DTL: variants seen among roughly 807,000 people sequenced by gnomAD.
DTL encodes denticleless E3 ubiquitin protein ligase adapter.
DTL carries 46 observed loss-of-function variants against 87.0 expected under a neutral mutation model. That is an observed-to-expected ratio of 0.53 (90% CI 0.42 to 0.68). The LOEUF (loss-of-function observed/expected upper bound fraction) is 0.68, where lower values mean the gene tolerates loss of function less well. Among genes scored for constraint, DTL ranks in the 30% least tolerant of loss-of-function variants. The pLI is 0.00. For missense variants in DTL, 737 were observed against 869.4 expected (o/e 0.85, Z 1.91); for synonymous variants, 308 against 311.2 (o/e 0.99, Z 0.11).
At chr1:212,063,547 T>C (rs928824777) in intron 6 of DTL, among the ~76,000 whole-genome samples, 2 of 152,112 alleles carry the variant, frequency 1.3e-5, no homozygotes, top group African/African-American at 4.8e-5. Flanking sequence ...CACCCTGGCC[T>C]CCCAAAGTGC....
At chr1:212,080,017 T>C (rs906101694) in intron 12 of DTL, among the ~76,000 whole-genome samples, 13 of 152,192 alleles carry the variant, frequency 8.5e-5, no homozygotes, top group Admixed American at 5.9e-4. Context: ...TAGTCAGATA[T>C]TTTTAAAGGG....
At chr1:212,063,299 T>A (rs10863935) in intron 6 of DTL, among the ~76,000 whole-genome samples, 42,794 of 145,390 alleles carry the variant, frequency 0.29, 6,764 homozygotes, top group South Asian at 0.37. Flanking sequence ...TATTATTATT[T>A]TTTTTTTTTT....
chr1:212,094,763 T>G (rs1434971592), intron 13 of DTL, among the ~76,000 whole-genome samples: 1 of 152,206 alleles, frequency 6.6e-6, no homozygotes, highest in Non-Finnish European at 1.5e-5. Flanking sequence ...TTTGTTTGTG[T>G]CATCTGATTT....
chr1:212,092,318 T>A (rs553291826), intron 13 of DTL, among the ~76,000 whole-genome samples: 1 of 152,286 alleles, frequency 6.6e-6, no homozygotes, highest in South Asian at 2.1e-4. Flanking sequence ...GTGGATCACC[T>A]GAGGTCAGGA....
At chr1:212,057,223 CAA>C (rs1668204031) in intron 5 of DTL, among the ~76,000 whole-genome samples, 3 of 151,526 alleles carry the variant, frequency 2.0e-5, no homozygotes, top group Admixed American at 6.6e-5. Flanking sequence ...AAGTCAAAGA[CAA>C]AGTGAAAATT....
intron 13 of DTL, among the ~76,000 whole-genome samples, chr1:212,089,519 A>C (rs1279049572): frequency 6.6e-6 from 1 of 152,208 alleles, no homozygotes; most frequent in Non-Finnish European, 1.5e-5. Context: ...TGTAAAAGTG[A>C]AATGAAAAAG....
intron 13 of DTL, among the ~76,000 whole-genome samples, chr1:212,086,112 C>G (rs1416967564): frequency 6.6e-6 from 1 of 152,094 alleles, no homozygotes; most frequent in Non-Finnish European, 1.5e-5. Context: ...CTCTTTTATA[C>G]AAATTTTAGT....
At chr1:212,074,559 G>A (rs1654773812) in intron 11 of DTL, among the ~76,000 whole-genome samples, 1 of 152,050 alleles carries the variant, frequency 6.6e-6, no homozygotes, top group Non-Finnish European at 1.5e-5. Flanking sequence ...ACATAACTCG[G>A]TGTACAGGCT....
chr1:212,062,750 T>A (rs1220072807), intron 5 of DTL, 134 bp from the exon 6 acceptor site: 10 of 634,194 alleles, frequency 1.6e-5, no homozygotes, highest in Non-Finnish European at 2.5e-5. Flanking sequence ...GAGCCATATA[T>A]TTTTAAATGT....
chr1:212,062,528 G>T (rs769717238), intron 5 of DTL, among the ~76,000 whole-genome samples: 1 of 152,166 alleles, frequency 6.6e-6, no homozygotes. Flanking sequence ...TGATAGCAAG[G>T]ATTGAGATAA....
intron 13 of DTL, among the ~76,000 whole-genome samples, chr1:212,093,780 G>A (rs545110536): frequency 1.1e-3 from 169 of 152,318 alleles, no homozygotes; most frequent in African/African-American, 3.8e-3. Flanking sequence ...GCACAGGATG[G>A]GGGCGTGGCA....
In DTL at chr1:212,043,888, A is replaced by T. The variant is rs2102527198; in HGVS notation, c.178+770A>T. Among the ~76,000 whole-genome samples, 2 of 152,000 alleles carry T rather than the reference A, an allele frequency of 1.3e-5. 1 individual carries two copies. The highest frequency in any genetic ancestry group is 4.2e-4 in the South Asian group (2 of 4,802). ...TCTCCACCCATAATAGTTTGAGAGG[A>T]AAGAAAAAGTTGTGACAAGGAAATT... On this transcript the variant is annotated intron_variant, in intron 2 of 14. Transcript: ENST00000366991.
intron 13 of DTL, among the ~76,000 whole-genome samples, chr1:212,090,706 A>C (rs1004133876): frequency 1.3e-5 from 2 of 152,256 alleles, no homozygotes; most frequent in Admixed American, 1.3e-4. Flanking sequence ...GAGAGCAAGC[A>C]CTGAGATTCT....
intron 1 of DTL, among the ~76,000 whole-genome samples, chr1:212,036,357 T>C (rs1022144537): frequency 2.6e-5 from 4 of 152,196 alleles, no homozygotes; most frequent in African/African-American, 9.7e-5. Flanking sequence ...GCTATAGGTA[T>C]ATACCAGTGA....
At chr1:212,055,648 A>G (rs1485942794) in intron 5 of DTL, among the ~76,000 whole-genome samples, 5 of 152,150 alleles carry the variant, frequency 3.3e-5, no homozygotes, top group South Asian at 2.1e-4. Flanking sequence ...CTGCCTGCCT[A>G]TGGGTACTCC....
chr1:212,062,688 G>A (rs1654365995), intron 5 of DTL, among the ~76,000 whole-genome samples, 196 bp from the exon 6 acceptor site: 1 of 152,028 alleles, frequency 6.6e-6, no homozygotes, highest in African/African-American at 2.4e-5. Flanking sequence ...TGAAGTTTTG[G>A]TTCAACATTA....
In DTL at chr1:212,087,378, C is replaced by G. The variant is rs566466164; in HGVS notation, c.1261+6628C>G. Among the ~76,000 whole-genome samples, 18 of 152,156 alleles carry G rather than the reference C, an allele frequency of 1.2e-4. No homozygotes were observed. The South Asian group carries it at 3.5e-3, about 30-fold the overall frequency. ...CCTGGCTAACATGGTGAAACCCCGT[C>G]TCTACTAAAAATACAAAAAAAATTA... On this transcript the variant is annotated intron_variant, in intron 13 of 14. Transcript: ENST00000366991.
At chr1:212,037,926 A>G (rs1195805987) in intron 1 of DTL, among the ~76,000 whole-genome samples, 2 of 152,144 alleles carry the variant, frequency 1.3e-5, no homozygotes, top group African/African-American at 2.4e-5. Flanking sequence ...AAGTTTACCC[A>G]TTTTTATTTT....
chr1:212,066,781 A>G (rs1654519159), intron 7 of DTL, 31 bp from the exon 8 acceptor site: 1 of 1,605,872 alleles, frequency 6.2e-7, no homozygotes, highest in Non-Finnish European at 8.5e-7. Context: ...GATGCCCAAG[A>G]TAGAATCTTC....
Sources: gnomAD v4.1 joint callset for allele counts (sites outside exome capture counted in the v4.1 genomes callset) on GRCh38, gnomAD v4.1.1 for gene constraint, MANE v1.5 for transcripts, NCBI Gene and HGNC (gene_info 2026-07-23, HGNC 2026-07-21) for gene names.